The following ILDR1 variants were observed in gnomAD, a reference collection of about 807,000 sequenced individuals.
ILDR1 encodes the protein immunoglobulin-like domain-containing receptor 1.
ILDR1 carries 56 observed loss-of-function variants against 62.4 expected under a neutral mutation model. The ratio of observed to expected loss-of-function variants is 0.90; its 90% CI spans 0.72 to 1.12. ILDR1 has a LOEUF of 1.12. Ranked by LOEUF, ILDR1 falls within the 50% of genes most tolerant of loss-of-function variation. The probability of loss-of-function intolerance (pLI) is 0.00; values close to 1 mark genes in which losing one functional copy is unlikely to be tolerated. For missense variants in ILDR1, 736 were observed against 710.6 expected (o/e 1.04, Z -0.41); for synonymous variants, 284 against 277.8 (o/e 1.02, Z -0.22).
chr3:122,025,707 A>G (rs1191490744), upstream of ILDR1, among the ~76,000 whole-genome samples: 2 of 152,248 alleles, frequency 1.3e-5, no homozygotes, highest in East Asian at 3.8e-4. Flanking sequence ...ATATGTGTAC[A>G]GTATTTATCA....
chr3:122,053,136 A>G, the ILDR1 span, among the ~76,000 whole-genome samples: 9 of 152,166 alleles, frequency 5.9e-5, no homozygotes, highest in African/African-American at 2.2e-4. Context: ...GGGAGGGAGC[A>G]CAGGCTGGGG....
chr3:122,004,646 G>A (rs1232341501), intron 3 of ILDR1, among the ~76,000 whole-genome samples: 2 of 152,184 alleles, frequency 1.3e-5, no homozygotes, highest in East Asian at 3.8e-4. Flanking sequence ...CTTTGGAGTA[G>A]GGAGGAAGAT....
chr3:122,011,633 C>T (rs1040286939), intron 1 of ILDR1, among the ~76,000 whole-genome samples: 10 of 124,712 alleles, frequency 8.0e-5, no homozygotes, highest in Admixed American at 7.0e-4. Context: ...CTCAAACGTC[C>T]ACCCCCTGCC....
In ILDR1 at chr3:121,993,509, G is replaced by A. The variant is rs756244874; in HGVS notation, c.1240C>T (p.His414Tyr). ...RSSRLNGSPIHWSDRDSLSDV... is the reference protein window; with the variant it reads ...RSSRLNGSPIYWSDRDSLSDV... The stretch of plus-strand genomic sequence containing the variant: ...CTTAGGCTGTCCCTGTCTGACCAGT[G>A]TATGGGTGACCCATTCAGCCTAGAG... The change falls in exon 7 of 8, where the codon CAC becomes TAC. Residue 414 changes from histidine (H) to tyrosine (Y), a missense_variant. Transcript: ENST00000344209. 7 of 1,614,248 alleles carry A rather than the reference G, an allele frequency of 4.3e-6. No homozygotes were observed. Among genetic ancestry groups the A allele is most frequent in the South Asian group, 1.1e-5 (1 of 91,088 alleles).
chr3:122,014,037 G>A (rs1183676169), intron 1 of ILDR1, among the ~76,000 whole-genome samples: 1 of 152,226 alleles, frequency 6.6e-6, no homozygotes, highest in Non-Finnish European at 1.5e-5. Context: ...AAGTAGCAAA[G>A]CTGGATTTAA....
intron 1 of ILDR1, among the ~76,000 whole-genome samples, chr3:122,014,447 C>A (rs2071750576): frequency 6.6e-6 from 1 of 151,648 alleles, no homozygotes; most frequent in South Asian, 2.1e-4. Flanking sequence ...TTTTTAGTAA[C>A]TGCATGAACA....
chr3:122,001,951 T>C, intron 3 of ILDR1, 87 bp from the exon 4 acceptor site: 4 of 1,462,584 alleles, frequency 2.7e-6, no homozygotes, highest in South Asian at 1.1e-5. Flanking sequence ...CTGGGCAGCA[T>C]GGCAAGACCT....
the ILDR1 span, among the ~76,000 whole-genome samples, chr3:122,045,664 A>G: frequency 6.6e-6 from 1 of 151,668 alleles, no homozygotes; most frequent in Non-Finnish European, 1.5e-5. Flanking sequence ...TCCCTTTACC[A>G]TTATGTAATG....
At chr3:122,047,965 T>C in the ILDR1 span, among the ~76,000 whole-genome samples, 95 of 152,324 alleles carry the variant, frequency 6.2e-4, no homozygotes, top group Non-Finnish European at 9.3e-4. Context: ...TACCCAATTG[T>C]TTGGCTAGGG....
intron 5 of ILDR1, 32 bp from the exon 6 acceptor site, chr3:121,994,345 C>T (rs933249698): frequency 1.3e-6 from 2 of 1,519,690 alleles, no homozygotes; most frequent in Admixed American, 4.0e-5. Context: ...TGCAGGCCCT[C>T]AGCCAGGGCA....
Position 121,993,245 on chromosome 3 carries a change from G to C in ILDR1, c.1504C>G (p.Pro502Ala), listed in dbSNP as rs778369601. The change falls in exon 7 of 8, where the codon CCA (proline) becomes GCA (alanine). Residue 502 changes from proline (P) to alanine (A), a missense_variant. Pro to Ala is a conservative substitution (Grantham distance 27). Transcript: ENST00000344209. ...GGCGGCTTCTCCTCGGGCCAGTGTG[G>C]GGAGTGCGAGCCGCGGCGGTGGGCC... is the stretch of plus-strand genomic sequence containing the variant. ...WRAHRRGSHSPHWPEEKPPSY... is the reference protein window; with the variant it reads ...WRAHRRGSHSAHWPEEKPPSY... 273 of 1,613,780 alleles carry C rather than the reference G, an allele frequency of 1.7e-4. No homozygotes were observed. Among genetic ancestry groups the C allele is most frequent in the Non-Finnish European group, 2.3e-4 (266 of 1,179,918 alleles).
chr3:122,056,757 G>A, the ILDR1 span, among the ~76,000 whole-genome samples: 1 of 152,180 alleles, frequency 6.6e-6, no homozygotes, highest in East Asian at 1.9e-4. Flanking sequence ...TAATTTTCCA[G>A]TAAAGATTCC....
chr3:122,022,844 C>T (rs1485395737), upstream of ILDR1, among the ~76,000 whole-genome samples: 2 of 151,908 alleles, frequency 1.3e-5, no homozygotes, highest in Non-Finnish European at 2.9e-5. Flanking sequence ...ACCTGGGAGG[C>T]GGAGGTTGAA....
chr3:121,996,509 G>A (rs1043698250), intron 5 of ILDR1, among the ~76,000 whole-genome samples: 1 of 152,156 alleles, frequency 6.6e-6, no homozygotes, highest in African/African-American at 2.4e-5. Flanking sequence ...AGCCTCACGG[G>A]ATGTCTAGGC....
chr3:122,024,150 C>T (rs575486786), upstream of ILDR1, among the ~76,000 whole-genome samples: 2 of 152,128 alleles, frequency 1.3e-5, no homozygotes, highest in East Asian at 3.9e-4. Flanking sequence ...GAAAAAAGGG[C>T]TCTATTATTA....
At position 122,010,239 on chromosome 3, in the gene ILDR1, G is replaced by A. The variant is rs143176863; in HGVS notation, c.59-3078C>T. ...GGAAAACAGAGAAGATAAATAAGGC[G>A]GGGCTGGTGGTGGTGAGTGGGAGGT... On this transcript the variant is annotated intron_variant, in intron 1 of 7. Transcript: ENST00000344209. Among the ~76,000 whole-genome samples, 13 of 152,264 alleles carry A rather than the reference G, an allele frequency of 8.5e-5. No individual in the cohort carries two copies. The East Asian group carries it at 2.5e-3, about 29-fold the overall frequency.
intron 1 of ILDR1, among the ~76,000 whole-genome samples, chr3:122,015,083 T>C (rs1319062848): frequency 1.3e-5 from 2 of 152,226 alleles, no homozygotes; most frequent in African/African-American, 4.8e-5. Flanking sequence ...GAGTCAATGA[T>C]AAACAAGTAA....
At chr3:122,057,761 C>T in the ILDR1 span, among the ~76,000 whole-genome samples, 1 of 152,194 alleles carries the variant, frequency 6.6e-6, no homozygotes, top group African/African-American at 2.4e-5. Context: ...AATACACCCA[C>T]TCTACCCATA....
chr3:121,994,181 C>A lies in ILDR1; in HGVS notation c.778+1G>T. 3 of 1,536,126 alleles carry A rather than the reference C, an allele frequency of 2.0e-6. No homozygotes were observed. Among genetic ancestry groups the A allele is most frequent in the South Asian group, 2.4e-5 (2 of 84,052 alleles). On this transcript the variant is annotated splice_donor_variant, in intron 6 of 7. Coordinates refer to ENST00000344209, the MANE Select transcript of ILDR1 (RefSeq NM_001199799.2). LOFTEE classifies it high-confidence loss of function. ...TATCCCAAATCTCTGGAAGAGTTTA[C>A]CTCGCTGCAGCAGCGGGTGCATTGG... is the stretch of plus-strand genomic sequence containing the variant.
Sources: allele counts gnomAD v4.1 joint callset (sites outside exome capture counted in the v4.1 genomes callset), GRCh38; gene constraint gnomAD v4.1.1; transcripts MANE v1.5; gene names NCBI Gene and HGNC (gene_info 2026-07-23, HGNC 2026-07-21).